The following EPHA6 variants were observed in gnomAD, a reference collection of about 807,000 sequenced individuals.
The protein encoded by EPHA6 is EPH receptor A6.
Under a neutral mutation model 112.0 loss-of-function variants are expected in EPHA6, and 50 were observed. The observed-to-expected ratio is 0.45, with a 90% CI of 0.36 to 0.56. The LOEUF (loss-of-function observed/expected upper bound fraction) is 0.56. Ranked by LOEUF, EPHA6 falls within the 20% of genes least tolerant of loss-of-function variation. EPHA6 has a pLI of 0.00. For synonymous variants in EPHA6, 529 were observed against 490.7 expected, an observed-to-expected ratio of 1.08 and a Z score of -1.03; for missense variants, 1,280 against 1,417.4, an observed-to-expected ratio of 0.90 and a Z score of 1.56.
At chr3:97,718,198 C>A (rs1388968349) in intron 14 of EPHA6, among the ~76,000 whole-genome samples, 1 of 152,186 alleles carries the variant, frequency 6.6e-6, no homozygotes, top group Non-Finnish European at 1.5e-5. Flanking sequence ...TGCAGAGCCA[C>A]AAGACTGAGG....
intron 14 of EPHA6, among the ~76,000 whole-genome samples, chr3:97,682,015 A>G (rs1460961704): frequency 6.6e-6 from 1 of 152,162 alleles, no homozygotes; most frequent in African/African-American, 2.4e-5. Context: ...CTTAATATTT[A>G]TATGCCAAGC....
At chr3:97,162,376 A>G (rs1033455646) in intron 3 of EPHA6, among the ~76,000 whole-genome samples, 1 of 152,182 alleles carries the variant, frequency 6.6e-6, no homozygotes, top group African/African-American at 2.4e-5. Context: ...CCAGCTGAGT[A>G]TATCTGTTGC....
At chr3:97,503,192 A>C (rs970686425) in intron 10 of EPHA6, among the ~76,000 whole-genome samples, 15 of 152,270 alleles carry the variant, frequency 9.9e-5, no homozygotes, top group African/African-American at 3.6e-4. Flanking sequence ...ATAAATAGGA[A>C]ACTAAATTGT....
intron 14 of EPHA6, among the ~76,000 whole-genome samples, chr3:97,661,985 T>C (rs2094172577): frequency 6.6e-6 from 1 of 152,150 alleles, no homozygotes; most frequent in Admixed American, 6.5e-5. Flanking sequence ...CTTCCCCCAG[T>C]ATATACTGAA....
chr3:97,184,217 G>A (rs2077062970), intron 3 of EPHA6, among the ~76,000 whole-genome samples: 1 of 152,094 alleles, frequency 6.6e-6, no homozygotes, highest in Non-Finnish European at 1.5e-5. Context: ...AAGGTTAGAA[G>A]TAAAAGATTT....
chr3:97,667,177 A>G (rs1221879163), intron 14 of EPHA6, among the ~76,000 whole-genome samples: 1 of 152,206 alleles, frequency 6.6e-6, no homozygotes, highest in African/African-American at 2.4e-5. Context: ...CTTGTGGTTT[A>G]TTAATCAGAA....
intron 3 of EPHA6, among the ~76,000 whole-genome samples, chr3:97,055,385 G>T (rs1050104749): frequency 6.6e-6 from 1 of 152,042 alleles, no homozygotes; most frequent in Non-Finnish European, 1.5e-5. Flanking sequence ...TCCATAGGGG[G>T]AACTTGGGAA....
At chr3:97,106,701 A>G (rs1423724101) in intron 3 of EPHA6, among the ~76,000 whole-genome samples, 3 of 152,094 alleles carry the variant, frequency 2.0e-5, no homozygotes, top group Non-Finnish European at 4.4e-5. Flanking sequence ...GAGACAAGCC[A>G]TCTACTGATG....
chr3:97,648,717 C>G, intron 14 of EPHA6: 1 of 860,106 alleles, frequency 1.2e-6, no homozygotes, highest in East Asian at 7.3e-5. Context: ...AAGTTTGCAG[C>G]GAGAAAAAAG....
intron 3 of EPHA6, among the ~76,000 whole-genome samples, chr3:97,152,731 C>A (rs1312568114): frequency 2.0e-5 from 3 of 152,082 alleles, no homozygotes; most frequent in Admixed American, 2.0e-4. Flanking sequence ...TACTTCTTTT[C>A]ATTGCCCATT....
intron 7 of EPHA6, among the ~76,000 whole-genome samples, chr3:97,456,892 A>G (rs1388308412): frequency 6.6e-6 from 1 of 152,188 alleles, no homozygotes; most frequent in Non-Finnish European, 1.5e-5. Flanking sequence ...TAGGTATTTC[A>G]AATTGCCCCA....
At chr3:97,159,497 A>G (rs1168824624) in intron 3 of EPHA6, among the ~76,000 whole-genome samples, 2 of 152,042 alleles carry the variant, frequency 1.3e-5, no homozygotes, top group African/African-American at 4.8e-5. Context: ...TGCTACTTCT[A>G]TTTTCATCCC....
chr3:97,497,459 C>G (rs1161925335), intron 10 of EPHA6, among the ~76,000 whole-genome samples: 6 of 152,134 alleles, frequency 3.9e-5, no homozygotes, highest in African/African-American at 1.4e-4. Context: ...CATAAACTAG[C>G]AATTCTCCTT....
At chr3:96,939,825 A>T (rs2040831710) in intron 2 of EPHA6, among the ~76,000 whole-genome samples, 3 of 152,186 alleles carry the variant, frequency 2.0e-5, no homozygotes, top group Non-Finnish European at 4.4e-5. Context: ...TTGGTTTCAA[A>T]GAACATCTTT....
intron 11 of EPHA6, among the ~76,000 whole-genome samples, chr3:97,585,605 G>T (rs1231987266): frequency 6.6e-6 from 1 of 152,118 alleles, no homozygotes; most frequent in African/African-American, 2.4e-5. Context: ...TTACCTGAAG[G>T]ATTTTTTTAA....
chr3:97,377,456 G>T (rs765840337), intron 5 of EPHA6, among the ~76,000 whole-genome samples: 1 of 152,082 alleles, frequency 6.6e-6, no homozygotes, highest in Admixed American at 6.5e-5. Context: ...CAGTAAATTG[G>T]TATCAGTAGA....
At chr3:96,911,761 G>T (rs2039227651) in intron 2 of EPHA6, among the ~76,000 whole-genome samples, 1 of 151,876 alleles carries the variant, frequency 6.6e-6, no homozygotes. Flanking sequence ...AGTAATGATT[G>T]GCTCTCTGTA....
intron 12 of EPHA6, among the ~76,000 whole-genome samples, chr3:97,609,184 T>C (rs951093107): frequency 6.6e-6 from 1 of 151,338 alleles, no homozygotes; most frequent in East Asian, 1.9e-4. Context: ...CATCAGGCAG[T>C]CATTGTAATA....
chr3:97,432,581 A>G (rs72928222), intron 6 of EPHA6, among the ~76,000 whole-genome samples: 9 of 152,136 alleles, frequency 5.9e-5, no homozygotes, highest in African/African-American at 1.9e-4. Flanking sequence ...GCTCTTATTA[A>G]TAAAGTGTAT....
Sources: gnomAD v4.1 joint callset for allele counts (sites outside exome capture counted in the v4.1 genomes callset) on GRCh38, gnomAD v4.1.1 for gene constraint, MANE v1.5 for transcripts, NCBI Gene and HGNC (gene_info 2026-07-23, HGNC 2026-07-21) for gene names.